The following RBPMS variants were observed in gnomAD, a reference collection of about 807,000 sequenced individuals.
RBPMS encodes RNA binding protein, mRNA processing factor.
Under a neutral mutation model 26.8 loss-of-function variants are expected in RBPMS, and 7 were observed. That is an observed-to-expected ratio of 0.26 (90% CI 0.15 to 0.49). The LOEUF (loss-of-function observed/expected upper bound fraction) is 0.49. Among genes scored for constraint, RBPMS ranks in the 20% least tolerant of loss-of-function variants. The pLI is 0.98. For missense variants in RBPMS, 186 were observed against 250.0 expected (o/e 0.74, Z 1.73); for synonymous variants, 96 against 93.3 (o/e 1.03, Z -0.17).
intron 1 of RBPMS, among the ~76,000 whole-genome samples, chr8:30,452,894 C>T (rs1457663349): frequency 6.6e-6 from 1 of 152,164 alleles, no homozygotes; most frequent in African/African-American, 2.4e-5. Context: ...AAATCTTTTC[C>T]TTGGAGATTT....
intron 4 of RBPMS, among the ~76,000 whole-genome samples, chr8:30,489,549 ATTC>A (rs1461945142): frequency 8.6e-5 from 13 of 151,746 alleles, no homozygotes; most frequent in African/African-American, 2.9e-4. Flanking sequence ...GGTTCAAGGT[ATTC>A]TTCTGCCTCA....
intron 7 of RBPMS, chr8:30,565,481 CGCTGGTGTCCACAT>C (rs1563459224): frequency 6.6e-6 from 1 of 152,232 alleles, no homozygotes; most frequent in African/African-American, 2.4e-5. Flanking sequence ...GAAATAGGAC[CGCTGGTGTCCACAT>C]GCAGGGAGTT....
At chr8:30,529,008 G>GACT (rs1466792235) in intron 5 of RBPMS, among the ~76,000 whole-genome samples, 1 of 151,886 alleles carries the variant, frequency 6.6e-6, no homozygotes, top group Non-Finnish European at 1.5e-5. Context: ...TTGAGGTTAG[G>GACT]AGTTCGAGAC....
intron 5 of RBPMS, among the ~76,000 whole-genome samples, chr8:30,524,146 T>C (rs1028516031): frequency 6.6e-6 from 1 of 152,166 alleles, no homozygotes; most frequent in African/African-American, 2.4e-5. Flanking sequence ...CTTGCAAGAA[T>C]ACCTGGTAGT....
intron 4 of RBPMS, among the ~76,000 whole-genome samples, chr8:30,491,419 A>G (rs765863601): frequency 2.0e-5 from 3 of 152,106 alleles, no homozygotes; most frequent in Non-Finnish European, 2.9e-5. Context: ...ATTTCATTTC[A>G]TTAACATTAC....
chr8:30,556,785 T>C (rs1826961032), intron 6 of RBPMS: 3 of 985,900 alleles, frequency 3.0e-6, no homozygotes, highest in South Asian at 9.4e-5. Context: ...CACCAGGCCA[T>C]GAGCCGTGGG....
chr8:30,545,094 CA>C lies in RBPMS; in HGVS notation c.528+471del, dbSNP rs147493636. On this transcript the variant is annotated intron_variant, in intron 6 of 8. Transcript: ENST00000397323. ...AATCTCTGACCAAAGGGAAAGCTTC[CA>C]GGGGGGAAGGCTGTACTTTCTTAAA... 8.0e-3 allele frequency: 10,853 copies of C among 1,356,468 alleles called. 758 individuals are homozygous for C. In the African/African-American group the frequency reaches 0.14, roughly 18 times the overall value. The allele number at this position is 1,356,468 out of a possible 1,614,324, so 84.0% of individuals were successfully genotyped here.
At chr8:30,492,911 C>G (rs184541682) in intron 4 of RBPMS, among the ~76,000 whole-genome samples, 1 of 152,036 alleles carries the variant, frequency 6.6e-6, no homozygotes, top group South Asian at 2.1e-4. Context: ...CTGAGCTTTA[C>G]AGAGATGAAT....
At chr8:30,475,174 G>A (rs919762914) in intron 2 of RBPMS, among the ~76,000 whole-genome samples, 6 of 152,098 alleles carry the variant, frequency 3.9e-5, no homozygotes, top group Admixed American at 1.3e-4. Flanking sequence ...CCTAACCACC[G>A]TTATTTTTTC....
At chr8:30,389,021 T>G (rs1807460221) in intron 1 of RBPMS, among the ~76,000 whole-genome samples, 1 of 152,198 alleles carries the variant, frequency 6.6e-6, no homozygotes, top group Non-Finnish European at 1.5e-5. Flanking sequence ...AGAAAATTAT[T>G]TCTTAAAATT....
chr8:30,540,522 T>G (rs1343319652), intron 5 of RBPMS, among the ~76,000 whole-genome samples: 1 of 152,116 alleles, frequency 6.6e-6, no homozygotes, highest in Non-Finnish European at 1.5e-5. Flanking sequence ...AAGTCCTAGG[T>G]TCGAGTGAAC....
chr8:30,569,367 A>G (rs914203445), intron 8 of RBPMS, among the ~76,000 whole-genome samples: 7 of 152,224 alleles, frequency 4.6e-5, no homozygotes, highest in African/African-American at 1.4e-4. Context: ...TGTCAAAGCT[A>G]AAGTGGCCTG....
chr8:30,567,091 CA>C (rs921152770), intron 8 of RBPMS, among the ~76,000 whole-genome samples: 5 of 152,178 alleles, frequency 3.3e-5, no homozygotes, highest in Non-Finnish European at 7.3e-5. Flanking sequence ...GCAGGAATGC[CA>C]GGGGCGAGTC....
At chr8:30,508,315 T>C (rs1043977636) in intron 5 of RBPMS, among the ~76,000 whole-genome samples, 1 of 152,212 alleles carries the variant, frequency 6.6e-6, no homozygotes, top group Non-Finnish European at 1.5e-5. Flanking sequence ...AGCCACTCAC[T>C]CTGGTATATC....
intron 1 of RBPMS, among the ~76,000 whole-genome samples, chr8:30,439,129 T>C (rs1023771066): frequency 2.0e-5 from 3 of 152,248 alleles, no homozygotes; most frequent in Non-Finnish European, 2.9e-5. Flanking sequence ...TCAAAAATAC[T>C]CTGATACTGC....
chr8:30,517,598 G>A (rs533731713), intron 5 of RBPMS, among the ~76,000 whole-genome samples: 1 of 152,288 alleles, frequency 6.6e-6, no homozygotes, highest in South Asian at 2.1e-4. Context: ...TCTCACTTGA[G>A]TTTAGCAAAC....
intron 4 of RBPMS, among the ~76,000 whole-genome samples, chr8:30,491,165 G>A (rs1173734549): frequency 1.3e-5 from 2 of 152,174 alleles, no homozygotes; most frequent in African/African-American, 2.4e-5. Flanking sequence ...AGTAAATGAT[G>A]TTGAGGACCA....
chr8:30,439,434 A>T (rs932276795), intron 1 of RBPMS, among the ~76,000 whole-genome samples: 3 of 152,246 alleles, frequency 2.0e-5, no homozygotes, highest in African/African-American at 7.2e-5. Context: ...TTCATGATTT[A>T]CAAGGAAACC....
At chr8:30,527,972 T>TC (rs1413982955) in intron 5 of RBPMS, among the ~76,000 whole-genome samples, 1 of 152,068 alleles carries the variant, frequency 6.6e-6, no homozygotes, top group Non-Finnish European at 1.5e-5. Flanking sequence ...GGTCAGAAGT[T>TC]CAAGACCAGC....
Sources: allele counts gnomAD v4.1 joint callset (sites outside exome capture counted in the v4.1 genomes callset), GRCh38; gene constraint gnomAD v4.1.1; transcripts MANE v1.5; gene names NCBI Gene and HGNC (gene_info 2026-07-23, HGNC 2026-07-21).